The following CDKL5 variants were observed in gnomAD, a reference collection of about 807,000 sequenced individuals.
The protein encoded by CDKL5 is cyclin-dependent kinase-like 5.
CDKL5 carries 8 observed loss-of-function variants against 61.7 expected under a neutral mutation model. The observed-to-expected ratio is 0.13, with a 90% CI of 0.08 to 0.23. The LOEUF (loss-of-function observed/expected upper bound fraction) is 0.23. Ranked by LOEUF, CDKL5 falls within the 10% of genes least tolerant of loss-of-function variation. The probability of loss-of-function intolerance (pLI) is 1.00; values close to 1 mark genes in which losing one functional copy is unlikely to be tolerated. For synonymous variants in CDKL5, 275 were observed against 272.3 expected (o/e 1.01, Z -0.10); for missense variants, 440 against 734.5 (o/e 0.60, Z 4.63).
At chrX:18,597,243 T>C (rs1234130902) in intron 10 of CDKL5, among the ~76,000 whole-genome samples, 2 of 110,756 alleles carry the variant, frequency 1.8e-5, no homozygotes, top group African/African-American at 6.6e-5. Flanking sequence ...GAAAATGAAT[T>C]TGAAAAATGA....
intron 5 of CDKL5, 124 bp from the exon 6 acceptor site, chrX:18,579,724 A>G: frequency 1.5e-6 from 1 of 664,032 alleles, no homozygotes; most frequent in Non-Finnish European, 2.3e-6. Context: ...GTAGATAGAA[A>G]GCAAAACAAT....
At chrX:18,556,499 TA>T (rs769708286) in intron 3 of CDKL5, among the ~76,000 whole-genome samples, 1 of 111,669 alleles carries the variant, frequency 9.0e-6, no homozygotes, top group African/African-American at 3.3e-5. Context: ...GGAACTTCAT[TA>T]AAACTCAGTA....
intron 11 of CDKL5, among the ~76,000 whole-genome samples, chrX:18,602,971 T>TA (rs1281351118): frequency 8.9e-6 from 1 of 112,167 alleles, no homozygotes; most frequent in African/African-American, 3.2e-5. Flanking sequence ...TTTCAATAGT[T>TA]ACAGTAGCAC....
At position 18,647,174 on chromosome X, in the gene CDKL5, C is replaced by T. The variant is rs750398322; in HGVS notation, c.2797+1084C>T. 2.5e-6 allele frequency: 3 copies of T among 1,209,566 alleles called. No individual in the cohort carries two copies. The highest frequency in any genetic ancestry group is 3.4e-6 in the Non-Finnish European group (3 of 894,684). On this transcript the variant is annotated intron_variant, in intron 20 of 21. Coordinates refer to the CDKL5 transcript ENST00000379989. The stretch of plus-strand genomic sequence containing the variant: ...TTTTTAAAAGCACATGAAAAAAAAT[C>T]CCCGGGCCCTGCTTACCCAAAGCCT...
intron 3 of CDKL5, among the ~76,000 whole-genome samples, chrX:18,528,893 C>G (rs1174778403): frequency 9.0e-6 from 1 of 111,427 alleles, no homozygotes; most frequent in South Asian, 3.8e-4. Flanking sequence ...ACCTCAGCCT[C>G]GCAAAGTGCT....
At chrX:18,619,274 G>A (rs920646467) in intron 15 of CDKL5, among the ~76,000 whole-genome samples, 2 of 108,197 alleles carry the variant, frequency 1.8e-5, no homozygotes, top group Non-Finnish European at 3.8e-5. Context: ...TTACAGGTGT[G>A]AGCCACTGCA....
intron 5 of CDKL5, among the ~76,000 whole-genome samples, chrX:18,576,159 T>C (rs1303707486): frequency 2.7e-5 from 3 of 111,756 alleles, no homozygotes; most frequent in Non-Finnish European, 5.6e-5. Flanking sequence ...CCTGGTGCAG[T>C]GGCTCACACC....
intron 1 of CDKL5, among the ~76,000 whole-genome samples, chrX:18,435,853 C>T (rs1233536199): frequency 1.8e-5 from 2 of 111,236 alleles, no homozygotes; most frequent in Non-Finnish European, 3.8e-5. Context: ...AGGTGTGAGC[C>T]GGCCAAAGAA....
At chrX:18,606,855 A>G (rs1383043672) in intron 12 of CDKL5, among the ~76,000 whole-genome samples, 5 of 112,333 alleles carry the variant, frequency 4.5e-5, no homozygotes, top group Non-Finnish European at 9.4e-5. Flanking sequence ...AGTCAGTGCC[A>G]GTGGGAAACG....
intron 3 of CDKL5, 147 bp downstream of exon 3, chrX:18,511,001 T>A (rs898955201): frequency 8.8e-5 from 40 of 456,224 alleles, no homozygotes; most frequent in Admixed American, 8.0e-4. Context: ...TTTTTTTGGA[T>A]TTTGGAATAT....
chrX:18,562,410 T>A (rs1031070523), intron 3 of CDKL5, among the ~76,000 whole-genome samples: 20 of 111,921 alleles, frequency 1.8e-4, no homozygotes, highest in Admixed American at 1.5e-3. Flanking sequence ...AAATAACAGC[T>A]TGAAATGTTG....
chrX:18,569,586 G>C (rs1003303805), intron 4 of CDKL5, among the ~76,000 whole-genome samples: 2 of 112,253 alleles, frequency 1.8e-5, no homozygotes, highest in African/African-American at 6.5e-5. Flanking sequence ...AAGTACAAGT[G>C]TCTGCTGTCC....
intron 20 of CDKL5, chrX:18,650,372 C>G: frequency 8.3e-7 from 1 of 1,199,540 alleles, no homozygotes; most frequent in Non-Finnish European, 1.1e-6. Flanking sequence ...CCTCCCGGGC[C>G]CCAAGCTTCA....
At position 18,633,147 on chromosome X, in the gene CDKL5, G is replaced by A; in HGVS notation, c.*4390G>A. The A allele has an allele frequency of 1.3e-6, 1 of 754,024 alleles. No individual in the cohort carries two copies. The highest frequency in any genetic ancestry group is 1.6e-6 in the Non-Finnish European group (1 of 639,130). The allele number at this position is 754,024 out of a possible 1,213,427, so 62.1% of individuals were successfully genotyped here. ...GAGAGCATTGCTTTTCTATCTAGAA[G>A]TTCGTTACCTCCTGCATGATAGTGG... On this transcript the variant is annotated 3_prime_UTR_variant, in exon 18 of 18. Coordinates refer to ENST00000623535, the MANE Select transcript of CDKL5 (RefSeq NM_001323289.2).
chrX:18,496,843 T>G (rs1276552447), intron 1 of CDKL5, among the ~76,000 whole-genome samples: 1 of 110,776 alleles, frequency 9.0e-6, no homozygotes, highest in Non-Finnish European at 1.9e-5. Flanking sequence ...CAGTGTCTGG[T>G]TTGCCAGTCT....
chrX:18,648,959 G>A (rs1436439936), intron 20 of CDKL5, among the ~76,000 whole-genome samples: 2 of 106,423 alleles, frequency 1.9e-5, no homozygotes, highest in African/African-American at 3.4e-5. Context: ...GAGGGAGGAG[G>A]ATTGCTTGAG....
At chrX:18,563,454 T>G (rs1450260871) in intron 3 of CDKL5, among the ~76,000 whole-genome samples, 1 of 111,957 alleles carries the variant, frequency 8.9e-6, no homozygotes, top group East Asian at 2.8e-4. Context: ...ACAAATAAGT[T>G]GTACCCTATA....
At chrX:18,598,439 G>A (rs775442324) in intron 10 of CDKL5, 23 bp from the exon 11 acceptor site, 4 of 1,179,746 alleles carry the variant, frequency 3.4e-6, no homozygotes, top group Non-Finnish European at 4.6e-6. Flanking sequence ...TGTTCTTAAC[G>A]ATCCTAAATT....
At chrX:18,539,264 T>C (rs191979981) in intron 3 of CDKL5, among the ~76,000 whole-genome samples, 1 of 112,168 alleles carries the variant, frequency 8.9e-6, no homozygotes, top group Non-Finnish European at 1.9e-5. Flanking sequence ...GGGTTTATTT[T>C]CTTTTTCTAG....
Sources: gnomAD v4.1 joint callset for allele counts (sites outside exome capture counted in the v4.1 genomes callset) on GRCh38, gnomAD v4.1.1 for gene constraint, MANE v1.5 for transcripts, NCBI Gene and HGNC (gene_info 2026-07-23, HGNC 2026-07-21) for gene names.